The following RASGRP2 variants were observed in gnomAD, a reference collection of about 807,000 sequenced individuals.
The protein encoded by RASGRP2 is RAS guanyl-releasing protein 2.
Under a neutral mutation model 71.0 loss-of-function variants are expected in RASGRP2, and 44 were observed. That is an observed-to-expected ratio of 0.62 (90% CI 0.49 to 0.80). The LOEUF (loss-of-function observed/expected upper bound fraction) is 0.80, where lower values mean the gene tolerates loss of function less well. Ranked by LOEUF, RASGRP2 falls within the 30% of genes least tolerant of loss-of-function variation. RASGRP2 has a pLI of 0.00. For missense variants in RASGRP2, 663 were observed against 813.4 expected (o/e 0.82, Z 2.25); for synonymous variants, 350 against 330.7 (o/e 1.06, Z -0.63).
chr11:64,741,280 A>G (rs1172789602), intron 4 of RASGRP2, among the ~76,000 whole-genome samples, 159 bp downstream of exon 4: 2 of 152,166 alleles, frequency 1.3e-5, no homozygotes, highest in African/African-American at 4.8e-5. Flanking sequence ...TAAGGCCCAG[A>G]CCCAGGAAGG....
intron 8 of RASGRP2, 128 bp from the exon 9 acceptor site, chr11:64,737,162 G>T: frequency 8.9e-7 from 1 of 1,120,444 alleles, no homozygotes; most frequent in Non-Finnish European, 1.3e-6. Flanking sequence ...CTCCCTTACT[G>T]TCCCCCACGA....
chr11:64,733,853 CTTTTTTTT>C (rs200730812), intron 12 of RASGRP2, among the ~76,000 whole-genome samples: 5 of 135,656 alleles, frequency 3.7e-5, no homozygotes, highest in Admixed American at 7.7e-5. Context: ...CTTTTTTTTT[CTTTTTTTT>C]TTTTTTGATG....
intron 12 of RASGRP2, among the ~76,000 whole-genome samples, chr11:64,732,674 C>T (rs1565503675): frequency 6.6e-6 from 1 of 151,664 alleles, no homozygotes; most frequent in African/African-American, 2.4e-5. Flanking sequence ...CCAGCTACTC[C>T]GGAGGCTGAG....
chr11:64,732,000 A>AG (rs1459739719), intron 12 of RASGRP2, among the ~76,000 whole-genome samples: 11 of 152,234 alleles, frequency 7.2e-5, no homozygotes, highest in Admixed American at 5.2e-4. Context: ...AGCCTGGCAT[A>AG]GAATCATACT....
In RASGRP2 at chr11:64,735,909, C is replaced by T. The variant is rs1394408760; in HGVS notation, c.1167G>A (p.Lys389=). 6.2e-7 allele frequency: 1 copy of T among 1,613,734 alleles called. No individual in the cohort carries two copies. Among genetic ancestry groups the T allele is most frequent in the Admixed American group, 1.7e-5 (1 of 59,984 alleles). The part of the protein sequence containing the change: ...QLSLQREPRS[K]SSPTSPTSCT... ...GGAGGGAGTACCCCCTCACCGAGGA[C>T]TTGGAGCGCGGCTCCCGCTGCAGGG... The change falls in exon 10 of 17, where the codon AAG becomes AAA. Residue 389 remains lysine (K), a synonymous_variant. Coordinates refer to ENST00000394432, the MANE Select transcript of RASGRP2 (RefSeq NM_001098671.2). The surrounding 1 kb of genome is among the most constrained non-coding windows in gnomAD (Gnocchi z 4.2).
chr11:64,736,641 C>T (rs755675931), intron 9 of RASGRP2, 112 bp downstream of exon 9: 2 of 1,229,260 alleles, frequency 1.6e-6, no homozygotes, highest in Admixed American at 2.1e-5. Context: ...CACGCTAGAT[C>T]TCAGTTTCTT....
In RASGRP2 at chr11:64,737,136, G is replaced by C. The variant is rs574781886; in HGVS notation, c.814-102C>G. Reference sequence around the variant, plus strand: ...GAGGAGGAGTCAGGGTCAGGGACAGGTGAAAGAGTAAAAACCTCCCTTACT... The same window carrying C: ...GAGGAGGAGTCAGGGTCAGGGACAGCTGAAAGAGTAAAAACCTCCCTTACT... On this transcript the variant is annotated intron_variant, in intron 8 of 16. Transcript: ENST00000394432. 5 of 1,449,478 alleles carry C rather than the reference G, an allele frequency of 3.4e-6. No homozygotes were observed. The African/African-American group carries it at 7.0e-5, about 20-fold the overall frequency. The allele number at this position is 1,449,478 out of a possible 1,614,324, so 89.8% of individuals were successfully genotyped here. A position where few individuals can be genotyped will look rare whatever the true frequency, so the allele number is the denominator to read the frequency against.
intron 9 of RASGRP2, 79 bp from the exon 10 acceptor site, chr11:64,736,059 GC>G: frequency 8.7e-7 from 1 of 1,143,224 alleles, no homozygotes; most frequent in Non-Finnish European, 1.3e-6. Context: ...CGACCTAGAG[GC>G]CACAGCTCAG....
intron 15 of RASGRP2, among the ~76,000 whole-genome samples, chr11:64,728,078 T>C (rs1471265687): frequency 1.3e-5 from 2 of 152,196 alleles, no homozygotes. Flanking sequence ...CAGTTTAACA[T>C]AGTTGTTCGG....
Position 64,728,893 on chromosome 11 carries a change from G to A in RASGRP2, c.1741C>T (p.Arg581Cys), listed in dbSNP as rs200196770. The A allele has an allele frequency of 3.3e-5, 53 of 1,612,622 alleles. No homozygotes were observed. In the East Asian group the frequency reaches 5.1e-4, roughly 16 times the overall value. Residue 581 changes from arginine to cysteine, a missense_variant, in exon 15 of 17, where the codon CGC becomes TGC. By Grantham distance (180) the Arg-to-Cys change is radical. Coordinates refer to ENST00000394432, the MANE Select transcript of RASGRP2 (RefSeq NM_001098671.2). ...HHRAFSFSLPRPGRRGSRPPE... is the reference protein window; with the variant it reads ...HHRAFSFSLPCPGRRGSRPPE... ...GGCCTGGAGCCTCGCCTGCCAGGGC[G>A]GGGCAGAGAGAAGCTGAAGGCGCGG...
rs775651590 is a variant in RASGRP2, at chr11:64,728,949, G to A, written c.1685C>T (p.Pro562Leu). ...AQSVSLEGSA[P>L]SPSPMHSHHH... is the part of the protein sequence containing the mutation. ...GTGGCTGTGCATGGGTGAGGGTGAG[G>A]GTGCAGACCCCTCCAGGCTCACACT... Residue 562 changes from proline (P) to leucine (L), a missense_variant, in exon 15 of 17, where the codon CCC becomes CTC. By Grantham distance (98) the Pro-to-Leu change is moderately conservative. Transcript: ENST00000394432. 8 of 1,612,596 alleles carry A rather than the reference G, an allele frequency of 5.0e-6. No homozygotes were observed. The highest frequency in any genetic ancestry group is 1.7e-5 in the Admixed American group (1 of 59,996).
intron 5 of RASGRP2, chr11:64,740,475 A>G: frequency 1.6e-6 from 1 of 627,010 alleles, no homozygotes; most frequent in Non-Finnish European, 3.1e-6. Flanking sequence ...ACAGAAACAC[A>G]TGATCACAAA....
At position 64,730,037 on chromosome 11, in the gene RASGRP2, G is replaced by A. The variant is rs200215766; in HGVS notation, c.1554+16C>T. 6.6e-4 allele frequency: 1,026 copies of A among 1,549,200 alleles called. 6 individuals carry two copies. In the African/African-American group the frequency reaches 0.013, roughly 19 times the overall value. On this transcript the variant is annotated intron_variant, in intron 13 of 16. Coordinates refer to ENST00000394432, the MANE Select transcript of RASGRP2 (RefSeq NM_001098671.2). Reference sequence around the variant, plus strand: ...GGGGCGTGGCTTGGGCCGTGAGCCGGGAAAGGGACTCTCACCAGGGCTTTG... The same window carrying A: ...GGGGCGTGGCTTGGGCCGTGAGCCGAGAAAGGGACTCTCACCAGGGCTTTG...
rs370769462 is a variant in RASGRP2, at chr11:64,741,040, G to A, written c.279C>T (p.Asn93=). The A allele has an allele frequency of 9.4e-5, 151 of 1,613,720 alleles. No individual in the cohort carries two copies. The East Asian group carries it at 1.0e-3, about 11-fold the overall frequency. The change falls in exon 5 of 17, where the codon AAC becomes AAT. Residue 93 remains asparagine (N), a synonymous_variant. Transcript: ENST00000394432. Reference sequence around the variant, plus strand: ...CCTTGATCTGCTCAGCCAACTCCGGGTTCAAGTCAAACTCCGCTGGGAAGG... The same window carrying A: ...CCTTGATCTGCTCAGCCAACTCCGGATTCAAGTCAAACTCCGCTGGGAAGG... ...ISAFPAEFDL[N]PELAEQIKEL...
At position 64,740,129 on chromosome 11, in the gene RASGRP2, G is replaced by A. The variant is rs757044187; in HGVS notation, c.406C>T (p.Arg136Trp). 19 of 1,613,992 alleles carry A rather than the reference G, an allele frequency of 1.2e-5. No individual in the cohort carries two copies. Among genetic ancestry groups the A allele is most frequent in the East Asian group, 2.2e-5 (1 of 44,874 alleles). The part of the protein sequence containing the change: ...TYKWKRQVTQ[R>W]NPVGQKKRKM... ...CGCTTTTTCTGTCCCACAGGGTTCCGCTGAGTCACCTGCCGCTTCCACTTG... is the reference window on the plus strand; with the variant it reads ...CGCTTTTTCTGTCCCACAGGGTTCCACTGAGTCACCTGCCGCTTCCACTTG... The change falls in exon 6 of 17, where the codon CGG becomes TGG. Residue 136 changes from arginine (R) to tryptophan (W), a missense_variant. Coordinates refer to ENST00000394432, the MANE Select transcript of RASGRP2 (RefSeq NM_001098671.2).
At chr11:64,734,199 C>G (rs1437311151) in intron 12 of RASGRP2, among the ~76,000 whole-genome samples, 1 of 151,822 alleles carries the variant, frequency 6.6e-6, no homozygotes, top group Admixed American at 6.5e-5. Flanking sequence ...GTAATCCCAG[C>G]TACTCAGGAA....
chr11:64,730,321 A>T, intron 12 of RASGRP2, 127 bp from the exon 13 acceptor site: 1 of 1,241,448 alleles, frequency 8.1e-7, no homozygotes, highest in Non-Finnish European at 1.1e-6. Context: ...TTGCAGAGTA[A>T]AGAAAAGGCG....
rs887689284 is a variant in RASGRP2 at position 64,742,311 on chromosome 11, G to A, written c.74-199C>T. On this transcript the variant is annotated intron_variant, in intron 2 of 16. Coordinates refer to ENST00000394432, the MANE Select transcript of RASGRP2 (RefSeq NM_001098671.2). The surrounding 1 kb of genome is among the most constrained non-coding windows in gnomAD (Gnocchi z 4.7). Reference sequence around the variant, plus strand: ...TGGGCGAGAGATAGGCACGCCCTGAGGACTGGAGGAGGGGAGCGCCCGAGC... The same window carrying A: ...TGGGCGAGAGATAGGCACGCCCTGAAGACTGGAGGAGGGGAGCGCCCGAGC... Among the ~76,000 whole-genome samples, 19 of 152,136 alleles carry A rather than the reference G, an allele frequency of 1.2e-4. No homozygotes were observed. Among genetic ancestry groups the A allele is most frequent in the African/African-American group, 4.6e-4 (19 of 41,416 alleles).
At position 64,740,064 on chromosome 11, in the gene RASGRP2, C is replaced by A; in HGVS notation, c.471G>T (p.Glu157Asp). ...CCAAGTAGGTGAGATGCTCCGCCAG[C>A]TCCATGGGCTCCAGGTGGTCAAACA... ...SLLFDHLEPM[E>D]LAEHLTYLEY... Residue 157 changes from glutamate to aspartate, a missense_variant, in exon 6 of 17, where the codon GAG becomes GAT. Coordinates refer to ENST00000394432, the MANE Select transcript of RASGRP2 (RefSeq NM_001098671.2). 1 of 1,614,178 alleles carries A rather than the reference C, an allele frequency of 6.2e-7. No homozygotes were observed. Among genetic ancestry groups the A allele is most frequent in the South Asian group, 1.1e-5 (1 of 91,084 alleles).
Sources: allele counts gnomAD v4.1 joint callset (sites outside exome capture counted in the v4.1 genomes callset), GRCh38; gene constraint gnomAD v4.1.1; non-coding constraint Gnocchi (gnomAD v3.1); transcripts MANE v1.5; gene names NCBI Gene and HGNC (gene_info 2026-07-23, HGNC 2026-07-21).